The following CTPS2 variants were observed in gnomAD, a reference collection of about 807,000 sequenced individuals.
CTPS2 encodes CTP synthase II.
In CTPS2, 19 loss-of-function variants were observed where a neutral mutation model predicts 46.8. The observed-to-expected ratio is 0.41, with a 90% CI of 0.28 to 0.60. The LOEUF is 0.60. Among genes scored for constraint, CTPS2 ranks in the 20% least tolerant of loss-of-function variants. The probability of loss-of-function intolerance (pLI) is 0.35; values close to 1 mark genes in which losing one functional copy is unlikely to be tolerated. For missense variants in CTPS2, 286 were observed against 447.6 expected (o/e 0.64, Z 3.26); for synonymous variants, 151 against 165.2 (o/e 0.91, Z 0.66).
chrX:16,661,149 G>A (rs1248556709), intron 13 of CTPS2, among the ~76,000 whole-genome samples: 2 of 110,499 alleles, frequency 1.8e-5, no homozygotes, highest in Non-Finnish European at 3.8e-5. Flanking sequence ...TAGTAGAGAC[G>A]GGGTTTCACT....
At chrX:16,631,217 G>A (rs1235069372) in intron 14 of CTPS2, among the ~76,000 whole-genome samples, 1 of 109,838 alleles carries the variant, frequency 9.1e-6, no homozygotes, top group East Asian at 2.9e-4. Context: ...GCGTGGTGGC[G>A]GGCGCCTGTA....
At chrX:16,627,422 G>C (rs1237992471) in intron 14 of CTPS2, among the ~76,000 whole-genome samples, 1 of 112,062 alleles carries the variant, frequency 8.9e-6, no homozygotes, top group Admixed American at 9.5e-5. Context: ...ACATTTAAAC[G>C]TCAGGAGATT....
intron 17 of CTPS2, among the ~76,000 whole-genome samples, chrX:16,596,269 C>A (rs1929256610): frequency 9.2e-6 from 1 of 109,183 alleles, no homozygotes; most frequent in African/African-American, 3.3e-5. Flanking sequence ...TATACATGTG[C>A]CATGCTGGTG....
intron 11 of CTPS2, among the ~76,000 whole-genome samples, chrX:16,668,309 T>C (rs1921368238): frequency 9.5e-6 from 1 of 105,169 alleles, no homozygotes; most frequent in African/African-American, 3.5e-5. Context: ...GTGCGGTGGC[T>C]CACACTTGTA....
intron 17 of CTPS2, among the ~76,000 whole-genome samples, chrX:16,593,317 T>C (rs1401143829): frequency 9.4e-6 from 1 of 106,842 alleles, no homozygotes; most frequent in Non-Finnish European, 1.9e-5. Flanking sequence ...TAGTCCCAGC[T>C]ACTCGGGAGG....
Position 16,660,184 on chromosome X carries a change from C to A in CTPS2, c.1296+7330G>T, listed in dbSNP as rs779568006. 2.7e-5 allele frequency among the ~76,000 whole-genome samples: 3 copies of A among 109,761 alleles called. No homozygotes were observed. In the Admixed American group the frequency reaches 2.9e-4, roughly 11 times the overall value. ...AATTTAGATTCCCACCAAGAGTGTG[C>A]AAGGGTTCCCTTTCAGGAGAATTTT... is the stretch of plus-strand genomic sequence containing the variant. On this transcript the variant is annotated intron_variant, in intron 13 of 18. Transcript: ENST00000359276.
chrX:16,691,069 C>T (rs1923654321), intron 7 of CTPS2, among the ~76,000 whole-genome samples: 2 of 112,704 alleles, frequency 1.8e-5, no homozygotes, highest in Admixed American at 1.9e-4. Flanking sequence ...GTAATCCCAG[C>T]ACTATGGGAG....
Position 16,643,496 on chromosome X carries a change from C to T in CTPS2, c.1297-4253G>A, listed in dbSNP as rs781361174. Among the ~76,000 whole-genome samples, 21 of 111,642 alleles carry T rather than the reference C, an allele frequency of 1.9e-4. No individual in the cohort carries two copies. In the South Asian group the frequency reaches 7.9e-3, roughly 42 times the overall value. On this transcript the variant is annotated intron_variant, in intron 13 of 18. Transcript: ENST00000359276. ...TGCTGGGATTATAGGCATGAGCCAC[C>T]ACGCCCGGCCTCCTCTAGTATTCTT...
intron 17 of CTPS2, chrX:16,591,082 C>G: frequency 3.5e-6 from 1 of 287,574 alleles, no homozygotes; most frequent in Non-Finnish European, 6.1e-6. Context: ...TTATTTTCAT[C>G]GTAAACTGGA....
intron 14 of CTPS2, among the ~76,000 whole-genome samples, chrX:16,624,711 G>A (rs1931032216): frequency 8.9e-6 from 1 of 112,111 alleles, no homozygotes; most frequent in African/African-American, 3.2e-5. Context: ...ATGATCCTAG[G>A]AATGGGGGAA....
At chrX:16,685,774 G>T (rs184798454) in intron 8 of CTPS2, among the ~76,000 whole-genome samples, 4,055 of 105,827 alleles carry the variant, frequency 0.038, 197 homozygotes, top group African/African-American at 0.13. Context: ...GGCTGAGGCA[G>T]GAGAATGGCA....
At position 16,691,689 on chromosome X, in the gene CTPS2, T is replaced by C. The variant is rs1733324930; in HGVS notation, c.640-69A>G. The C allele has an allele frequency of 4.3e-6, 4 of 936,234 alleles. No homozygotes were observed. The South Asian group carries it at 6.1e-5, about 14-fold the overall frequency. 77.2% of individuals were successfully genotyped at this position (936,234 alleles called of 1,213,427 possible). ...GCAGGATGCCACATTCATTTCTTTT[T>C]ACAAGAAACTTGGCCAAGTATGTAC... is the stretch of plus-strand genomic sequence containing the variant. On this transcript the variant is annotated intron_variant, in intron 6 of 18. Transcript: ENST00000359276.
intron 1 of CTPS2, among the ~76,000 whole-genome samples, chrX:16,707,376 A>G (rs1925105569): frequency 8.9e-6 from 1 of 112,079 alleles, no homozygotes; most frequent in Admixed American, 9.6e-5. Context: ...CAGTTACAGA[A>G]AAAGAAAAAT....
intron 6 of CTPS2, 58 bp downstream of exon 6, chrX:16,693,083 G>T: frequency 3.0e-4 from 191 of 631,955 alleles, no homozygotes; most frequent in Non-Finnish European, 4.4e-4. Context: ...AAAAAAAGAA[G>T]TGAAGGTCCT....
intron 14 of CTPS2, among the ~76,000 whole-genome samples, chrX:16,620,794 C>T (rs1302746314): frequency 8.9e-6 from 1 of 112,160 alleles, no homozygotes; most frequent in African/African-American, 3.2e-5. Flanking sequence ...GGCTTCCTCA[C>T]ACCTGGCCCA....
At chrX:16,619,703 C>T (rs770958404) in intron 15 of CTPS2, among the ~76,000 whole-genome samples, 9 of 111,868 alleles carry the variant, frequency 8.0e-5, no homozygotes, top group Admixed American at 1.9e-4. Context: ...GTAATTGACA[C>T]ACTCATTAAT....
rs370929849 is a variant in CTPS2 at position 16,609,699 on chromosome X, A to C, written c.1547-14T>G. 2.3e-5 allele frequency: 28 copies of C among 1,196,124 alleles called. No homozygotes were observed. The highest frequency in any genetic ancestry group is 3.2e-5 in the Non-Finnish European group (28 of 886,833). On this transcript the variant is annotated splice_polypyrimidine_tract_variant and intron_variant, in intron 16 of 18. Coordinates refer to ENST00000359276, the MANE Select transcript of CTPS2 (RefSeq NM_175859.3). ...AATAAGGATGATCTGAAATGAGAAC[A>C]ATCACGATGCGATTAAAGCAGACAA...
chrX:16,702,639 TCTAAATCTGGAA>T (rs1231029374), intron 2 of CTPS2, 86 bp downstream of exon 2: 1 of 792,666 alleles, frequency 1.3e-6, no homozygotes, highest in African/African-American at 2.1e-5. Flanking sequence ...ATCTAGTCAC[TCTAAATCTGGAA>T]CTACATCCTA....
intron 14 of CTPS2, among the ~76,000 whole-genome samples, chrX:16,637,294 C>T (rs1016547472): frequency 1.8e-5 from 2 of 111,602 alleles, no homozygotes; most frequent in Non-Finnish European, 3.8e-5. Flanking sequence ...TCATGGCTCA[C>T]TGCAGCCTCA....
Sources: gnomAD v4.1 joint callset for allele counts (sites outside exome capture counted in the v4.1 genomes callset) on GRCh38, gnomAD v4.1.1 for gene constraint, MANE v1.5 for transcripts, NCBI Gene and HGNC (gene_info 2026-07-23, HGNC 2026-07-21) for gene names.